KCNH5: variants seen among roughly 807,000 people sequenced by gnomAD.
KCNH5 encodes voltage-gated delayed rectifier potassium channel KCNH5.
In KCNH5, 46 loss-of-function variants were observed where a neutral mutation model predicts 96.1. That is an observed-to-expected ratio of 0.48 (90% CI 0.38 to 0.61). The LOEUF is 0.61. Among genes scored for constraint, KCNH5 ranks in the 20% least tolerant of loss-of-function variants. The pLI, the probability that KCNH5 is intolerant of heterozygous loss-of-function variation, is 0.00. For synonymous variants in KCNH5, 439 were observed against 449.8 expected, an observed-to-expected ratio of 0.98 and a Z score of 0.30; for missense variants, 907 against 1,225.8, an observed-to-expected ratio of 0.74 and a Z score of 3.88.
chr14:63,034,497 T>C (rs1420011805), intron 1 of KCNH5, among the ~76,000 whole-genome samples: 1 of 152,208 alleles, frequency 6.6e-6, no homozygotes, highest in Non-Finnish European at 1.5e-5. Flanking sequence ...AACAATCCTC[T>C]AGCAATATAG....
At chr14:62,738,170 T>A (rs1278409836) in intron 10 of KCNH5, among the ~76,000 whole-genome samples, 1 of 152,188 alleles carries the variant, frequency 6.6e-6, no homozygotes, top group Non-Finnish European at 1.5e-5. Context: ...AAATGGCTAA[T>A]GTGCAGACAG....
At chr14:62,974,619 G>A (rs1227719481) in intron 6 of KCNH5, among the ~76,000 whole-genome samples, 1 of 152,046 alleles carries the variant, frequency 6.6e-6, no homozygotes, top group Non-Finnish European at 1.5e-5. Flanking sequence ...AGAGCGTGTC[G>A]ACAATCTTGA....
At chr14:62,776,472 C>A (rs999461539) in intron 10 of KCNH5, among the ~76,000 whole-genome samples, 1 of 152,152 alleles carries the variant, frequency 6.6e-6, no homozygotes. Context: ...TGATCATACA[C>A]TTCCCAGCCT....
intron 9 of KCNH5, among the ~76,000 whole-genome samples, chr14:62,796,381 C>A (rs982036096): frequency 6.6e-6 from 1 of 152,158 alleles, no homozygotes; most frequent in Non-Finnish European, 1.5e-5. Flanking sequence ...GACTCTCTTT[C>A]GTATTAAGTT....
chr14:62,726,574 T>G (rs1329380586), intron 10 of KCNH5, among the ~76,000 whole-genome samples: 1 of 151,084 alleles, frequency 6.6e-6, no homozygotes, highest in African/African-American at 2.4e-5. Flanking sequence ...AAAACCACAA[T>G]GTATTACCCC....
intron 7 of KCNH5, among the ~76,000 whole-genome samples, chr14:62,916,160 G>C (rs1384782904): frequency 1.3e-5 from 2 of 151,888 alleles, no homozygotes; most frequent in African/African-American, 4.8e-5. Context: ...TACCGTGTTA[G>C]CCAGGATGGG....
chr14:62,768,707 A>G (rs113910983), intron 10 of KCNH5, among the ~76,000 whole-genome samples: 6 of 152,312 alleles, frequency 3.9e-5, no homozygotes, highest in African/African-American at 1.4e-4. Flanking sequence ...TAAAACATGT[A>G]TTTTCTTGCA....
rs563449204 is a variant in KCNH5 at position 62,919,720 on chromosome 14, T to A, written c.1369+30413A>T. ...TGCCGTTCATTGTAAAATGAAATCA[T>A]ACACAATATCTACGTGGCCCATCAT... On this transcript the variant is annotated intron_variant, in intron 7 of 10. Transcript: ENST00000322893. Among the ~76,000 whole-genome samples the A allele has an allele frequency of 2.0e-4, 30 of 152,282 alleles. No individual in the cohort carries two copies. The South Asian group carries it at 4.4e-3, about 22-fold the overall frequency.
At chr14:62,809,795 C>T (rs917035864) in intron 8 of KCNH5, among the ~76,000 whole-genome samples, 11 of 152,060 alleles carry the variant, frequency 7.2e-5, no homozygotes, top group South Asian at 4.1e-4. Flanking sequence ...CTATGGTACA[C>T]GTATTACTAA....
chr14:63,016,599 T>C (rs933323829), intron 2 of KCNH5, among the ~76,000 whole-genome samples: 7 of 152,122 alleles, frequency 4.6e-5, no homozygotes, highest in South Asian at 2.1e-4. Context: ...AAAATATTTA[T>C]TGAATGAATT....
chr14:62,747,745 C>T (rs1193517154), intron 10 of KCNH5, among the ~76,000 whole-genome samples: 1 of 152,162 alleles, frequency 6.6e-6, no homozygotes, highest in Non-Finnish European at 1.5e-5. Context: ...CAACCCCTAC[C>T]TGTTCACTTA....
intron 7 of KCNH5, among the ~76,000 whole-genome samples, chr14:62,944,944 T>C (rs377387932): frequency 9.9e-5 from 15 of 152,154 alleles, no homozygotes; most frequent in Admixed American, 3.3e-4. Flanking sequence ...TCAAAGAATA[T>C]AATAGAAACT....
At chr14:62,935,559 G>A (rs914110916) in intron 7 of KCNH5, among the ~76,000 whole-genome samples, 41 of 152,148 alleles carry the variant, frequency 2.7e-4, no homozygotes, top group African/African-American at 8.9e-4. Context: ...TTCCCACAGA[G>A]CTAGGAAAAA....
intron 6 of KCNH5, among the ~76,000 whole-genome samples, chr14:62,977,897 G>A (rs1890531451): frequency 6.6e-6 from 1 of 152,146 alleles, no homozygotes; most frequent in Admixed American, 6.5e-5. Flanking sequence ...TGTGAAAGAG[G>A]GAAGGAAGAC....
chr14:62,861,180 G>A (rs1016662843), intron 7 of KCNH5, among the ~76,000 whole-genome samples: 1 of 152,142 alleles, frequency 6.6e-6, no homozygotes, highest in Non-Finnish European at 1.5e-5. Context: ...ATGTTCTCAA[G>A]GAGCAGAACA....
chr14:62,808,355 A>G (rs77884304), intron 8 of KCNH5, among the ~76,000 whole-genome samples: 2 of 152,168 alleles, frequency 1.3e-5, no homozygotes, highest in African/African-American at 4.8e-5. Flanking sequence ...AAAGTTAAAG[A>G]GGTATTATTC....
intron 8 of KCNH5, among the ~76,000 whole-genome samples, chr14:62,815,275 G>A (rs1886954575): frequency 6.6e-6 from 1 of 152,104 alleles, no homozygotes; most frequent in Non-Finnish European, 1.5e-5. Flanking sequence ...TTACTCTTGA[G>A]GGCCAGAGTT....
At chr14:62,884,451 C>T (rs919021358) in intron 7 of KCNH5, among the ~76,000 whole-genome samples, 5 of 152,152 alleles carry the variant, frequency 3.3e-5, no homozygotes, top group South Asian at 2.1e-4. Context: ...CACGGTGAAA[C>T]GCTGTCTCTA....
At chr14:62,759,856 C>G (rs1885709687) in intron 10 of KCNH5, among the ~76,000 whole-genome samples, 2 of 152,116 alleles carry the variant, frequency 1.3e-5, no homozygotes, top group Non-Finnish European at 2.9e-5. Context: ...GAGCAAACAT[C>G]CATTTTGTGA....
Sources: gnomAD v4.1 joint callset for allele counts (sites outside exome capture counted in the v4.1 genomes callset) on GRCh38, gnomAD v4.1.1 for gene constraint, MANE v1.5 for transcripts, NCBI Gene and HGNC (gene_info 2026-07-23, HGNC 2026-07-21) for gene names.